The following KIFBP variants were observed in gnomAD, a reference collection of about 807,000 sequenced individuals.
The protein encoded by KIFBP is KIF-binding protein.
KIFBP carries 46 observed loss-of-function variants against 58.9 expected under a neutral mutation model. The ratio of observed to expected loss-of-function variants is 0.78; its 90% confidence interval spans 0.62 to 1.00. KIFBP has a LOEUF of 1.00. Ranked by LOEUF, KIFBP falls within the 50% of genes least tolerant of loss-of-function variation. The pLI is 0.00. For synonymous variants in KIFBP, 241 were observed against 283.4 expected (o/e 0.85, Z 1.50); for missense variants, 651 against 752.9 (o/e 0.86, Z 1.58).
At chr10:68,992,738 A>G (rs1335948896) in intron 1 of KIFBP, among the ~76,000 whole-genome samples, 1 of 152,044 alleles carries the variant, frequency 6.6e-6, no homozygotes, top group Non-Finnish European at 1.5e-5. Flanking sequence ...AATGGAGTAG[A>G]CCCTGTTGTC....
chr10:69,015,183 A>G (rs183508294), intron 6 of KIFBP, among the ~76,000 whole-genome samples: 1 of 152,288 alleles, frequency 6.6e-6, no homozygotes, highest in Admixed American at 6.5e-5. Flanking sequence ...TGGCCTCCCA[A>G]AGTGCTGGGA....
intron 1 of KIFBP, among the ~76,000 whole-genome samples, chr10:68,998,451 A>C (rs1843429682): frequency 6.6e-6 from 1 of 151,700 alleles, no homozygotes. Context: ...GTCCTATAAT[A>C]CTGCTACAAT....
chr10:68,995,856 T>C (rs902615478), intron 1 of KIFBP, among the ~76,000 whole-genome samples: 4 of 152,174 alleles, frequency 2.6e-5, no homozygotes, highest in African/African-American at 9.7e-5. Flanking sequence ...ATATTGTATT[T>C]AAAGAATAAT....
chr10:69,010,847 A>G (rs980681308), intron 5 of KIFBP, 53 bp from the exon 6 acceptor site: 14 of 1,199,260 alleles, frequency 1.2e-5, no homozygotes, highest in Non-Finnish European at 1.6e-5. Flanking sequence ...ACAGTACCCA[A>G]TGAAAATTAC....
chr10:69,006,926 G>A (rs1344272396), intron 4 of KIFBP: 1 of 152,226 alleles, frequency 6.6e-6, no homozygotes, highest in Non-Finnish European at 1.5e-5. Context: ...CTAAGATCAA[G>A]TGTGTAAGTA....
chr10:68,996,334 G>A (rs1209789534), intron 1 of KIFBP, among the ~76,000 whole-genome samples: 2 of 152,176 alleles, frequency 1.3e-5, no homozygotes, highest in Non-Finnish European at 2.9e-5. Context: ...GCTGAGGTGG[G>A]TGGATCACCT....
chr10:69,016,749 G>A lies in KIFBP; in HGVS notation c.*333G>A, dbSNP rs748324014. 4.5e-6 allele frequency: 1 copy of A among 222,454 alleles called. No homozygotes were observed. The highest frequency in any genetic ancestry group is 9.7e-5 in the South Asian group (1 of 10,342). The allele number at this position is 222,454 out of a possible 1,614,324, so 13.8% of individuals were successfully genotyped here. On this transcript the variant is annotated 3_prime_UTR_variant, in exon 7 of 7. Transcript: ENST00000361983. ...AGATTCCTTGTAAGAAAAAATGCTGGGTAATGTACCTGGTAACAAGCCTGT... is the reference window on the plus strand; with the variant it reads ...AGATTCCTTGTAAGAAAAAATGCTGAGTAATGTACCTGGTAACAAGCCTGT...
At chr10:69,005,023 GC>G (rs1843515874) in intron 2 of KIFBP, 22 bp from the exon 3 acceptor site, 1 of 1,586,400 alleles carries the variant, frequency 6.3e-7, no homozygotes, top group Non-Finnish European at 8.7e-7. Context: ...ACTTTAAAGA[GC>G]TTTTGTTTTT....
intron 2 of KIFBP, among the ~76,000 whole-genome samples, chr10:69,002,163 CT>C (rs912429874): frequency 1.9e-3 from 270 of 142,144 alleles, no homozygotes; most frequent in Middle Eastern, 7.2e-3. Flanking sequence ...AAGATTCTGT[CT>C]TTTTTTTTTT....
chr10:69,005,579 G>A (rs1843525623), intron 3 of KIFBP, among the ~76,000 whole-genome samples, 153 bp from the exon 4 acceptor site: 1 of 151,994 alleles, frequency 6.6e-6, no homozygotes, highest in Admixed American at 6.6e-5. Flanking sequence ...GGGAGGCTGA[G>A]GCAGGAGAAT....
At chr10:69,008,584 T>C (rs1432461443) in intron 4 of KIFBP, among the ~76,000 whole-genome samples, 2 of 151,508 alleles carry the variant, frequency 1.3e-5, no homozygotes, top group East Asian at 3.9e-4. Context: ...CAGTTGGCAG[T>C]TGTCTTTCAA....
At chr10:69,014,143 A>T (rs1263954741) in intron 6 of KIFBP, among the ~76,000 whole-genome samples, 1 of 152,210 alleles carries the variant, frequency 6.6e-6, no homozygotes, top group Non-Finnish European at 1.5e-5. Context: ...ACATACATAA[A>T]TTTATTCAAT....
chr10:68,999,086 A>G (rs1843436766), intron 1 of KIFBP, among the ~76,000 whole-genome samples: 1 of 119,176 alleles, frequency 8.4e-6, no homozygotes, highest in South Asian at 2.5e-4. Context: ...GGGCCCATAT[A>G]TATAATTTTT....
chr10:68,989,291 T>G, intron 1 of KIFBP, 33 bp downstream of exon 1: 1 of 1,607,678 alleles, frequency 6.2e-7, no homozygotes, highest in Middle Eastern at 1.7e-4. Context: ...CGGCCCCTGT[T>G]GGCAAATGGC....
rs774361181 is a variant in KIFBP at position 68,989,127 on chromosome 10, T to G, written c.295T>G (p.Phe99Val). The G allele has an allele frequency of 6.2e-7, 1 of 1,611,118 alleles. No homozygotes were observed. The highest frequency in any genetic ancestry group is 1.1e-5 in the South Asian group (1 of 90,898). The change falls in exon 1 of 7, where the codon TTC (phenylalanine) becomes GTC (valine). Residue 99 changes from phenylalanine (F) to valine (V), a missense_variant. Transcript: ENST00000361983. ...AGCGGTGAGGCTGGCAGTCATCGAGTTCCACCTCGGGGTGAACCACATCGA... is the reference window on the plus strand; with the variant it reads ...AGCGGTGAGGCTGGCAGTCATCGAGGTCCACCTCGGGGTGAACCACATCGA... The part of the protein sequence containing the change: ...QRAVRLAVIE[F>V]HLGVNHIDTE...
chr10:68,996,390 G>A (rs1180585382), intron 1 of KIFBP, among the ~76,000 whole-genome samples: 3 of 151,920 alleles, frequency 2.0e-5, no homozygotes, highest in Non-Finnish European at 4.4e-5. Flanking sequence ...GCAAAACCCC[G>A]TCTCTACTAA....
intron 5 of KIFBP, 57 bp from the exon 6 acceptor site, chr10:69,010,843 C>A: frequency 9.0e-7 from 1 of 1,112,264 alleles, no homozygotes; most frequent in Non-Finnish European, 1.4e-6. Flanking sequence ...AATTACAGTA[C>A]CCAATGAAAA....
chr10:69,005,675 G>GAAAA, intron 3 of KIFBP, 57 bp from the exon 4 acceptor site: 1 of 1,146,182 alleles, frequency 8.7e-7, no homozygotes, highest in Non-Finnish European at 1.2e-6. Flanking sequence ...TCTGTCTCAG[G>GAAAA]AAAAAAAAAA....
chr10:68,999,285 A>G (rs1843438776), intron 1 of KIFBP, among the ~76,000 whole-genome samples: 1 of 150,578 alleles, frequency 6.6e-6, no homozygotes, highest in Non-Finnish European at 1.5e-5. Context: ...TTTAGTAGAG[A>G]TGGGGTTTCA....
Sources: allele counts gnomAD v4.1 joint callset (sites outside exome capture counted in the v4.1 genomes callset), GRCh38; gene constraint gnomAD v4.1.1; transcripts MANE v1.5; gene names NCBI Gene and HGNC (gene_info 2026-07-23, HGNC 2026-07-21).